Variants in OSBPL9 observed in about 807,000 individuals in gnomAD.
OSBPL9 encodes oxysterol binding protein like 9.
In OSBPL9, 40 loss-of-function variants were observed where a neutral mutation model predicts 106.6. That is an observed-to-expected ratio of 0.38 (90% confidence interval 0.29 to 0.49). The LOEUF (loss-of-function observed/expected upper bound fraction) is 0.49, where lower values mean the gene tolerates loss of function less well. Ranked by LOEUF, OSBPL9 falls within the 20% of genes least tolerant of loss-of-function variation. The probability of loss-of-function intolerance (pLI) is 0.97; values close to 1 mark genes in which losing one functional copy is unlikely to be tolerated. For synonymous variants in OSBPL9, 269 were observed against 295.4 expected (o/e 0.91, Z 0.92); for missense variants, 609 against 887.2 (o/e 0.69, Z 3.98).
chr1:51,555,273 T>C, the OSBPL9 span, among the ~76,000 whole-genome samples: 1 of 151,998 alleles, frequency 6.6e-6, no homozygotes, highest in African/African-American at 2.4e-5. Context: ...GGGCGGATCC[T>C]GAGGTCAGGA....
At chr1:51,640,739 AG>A (rs1221263842) in intron 1 of OSBPL9, among the ~76,000 whole-genome samples, 1 of 152,136 alleles carries the variant, frequency 6.6e-6, no homozygotes, top group Non-Finnish European at 1.5e-5. Flanking sequence ...AATACCTTCC[AG>A]GTCCCAGGCA....
At chr1:51,616,005 T>G (rs1486015089), upstream of OSBPL9, among the ~76,000 whole-genome samples, 3 of 88,972 alleles carry the variant, frequency 3.4e-5, no homozygotes, top group East Asian at 2.7e-4. Flanking sequence ...ATCCTTTGGT[T>G]TTTTTTTTTT....
At chr1:51,675,312 T>C (rs568356172) in intron 3 of OSBPL9, among the ~76,000 whole-genome samples, 1 of 152,296 alleles carries the variant, frequency 6.6e-6, no homozygotes, top group African/African-American at 2.4e-5. Flanking sequence ...TGTTTGCCCA[T>C]TGTTGTCAGA....
upstream of OSBPL9, among the ~76,000 whole-genome samples, chr1:51,574,479 C>T (rs575008259): frequency 1.3e-5 from 2 of 152,200 alleles, no homozygotes; most frequent in South Asian, 2.1e-4. Context: ...ATTAGCCAGG[C>T]GCGGTGGCGG....
intron 3 of OSBPL9, among the ~76,000 whole-genome samples, chr1:51,712,284 C>T (rs542025984): frequency 1.8e-4 from 27 of 152,300 alleles, no homozygotes; most frequent in Non-Finnish European, 3.5e-4. Context: ...CGCCTGCAAT[C>T]GCAGGCACTC....
rs147998378 is a variant in OSBPL9 at position 51,784,002 on chromosome 1, T to C, written c.1601T>C (p.Ile534Thr). The C allele has an allele frequency of 1.2e-6, 2 of 1,612,816 alleles. No individual in the cohort carries two copies. The highest frequency in any genetic ancestry group is 2.7e-5 in the African/African-American group (2 of 75,004). Reference sequence around the variant, plus strand: ...AAATCAAAATTCCTTGGGATGTCAATTGGGGTGCACAACATAGGGCAGGGT... The same window carrying C: ...AAATCAAAATTCCTTGGGATGTCAACTGGGGTGCACAACATAGGGCAGGGT... ...WTKSKFLGMSIGVHNIGQGCV... is the reference protein window; with the variant it reads ...WTKSKFLGMSTGVHNIGQGCV... The change falls in exon 18 of 24, where the codon ATT (isoleucine) becomes ACT (threonine). Residue 534 changes from isoleucine (I) to threonine (T), a missense_variant. Physicochemically the swap from Ile to Thr is moderately conservative, Grantham distance 89. Transcript: ENST00000428468.
intron 4 of OSBPL9, among the ~76,000 whole-genome samples, chr1:51,739,719 G>A (rs193235226): frequency 2.1e-4 from 32 of 152,108 alleles, no homozygotes; most frequent in Non-Finnish European, 2.9e-5. Context: ...GAACTTCCCT[G>A]TTCTTCTAAG....
chr1:51,536,458 C>T, the OSBPL9 span, among the ~76,000 whole-genome samples: 1,852 of 152,146 alleles, frequency 0.012, 49 homozygotes, highest in African/African-American at 0.043. Context: ...ACCGCAGGCA[C>T]GCACCACTAT....
At chr1:51,549,887 G>A in the OSBPL9 span, among the ~76,000 whole-genome samples, 16 of 152,190 alleles carry the variant, frequency 1.1e-4, no homozygotes, top group Non-Finnish European at 1.9e-4. Context: ...CATGTGGAAT[G>A]TCGGTTGCCT....
At chr1:51,718,482 AC>A (rs1327949641) in intron 4 of OSBPL9, among the ~76,000 whole-genome samples, 3 of 152,348 alleles carry the variant, frequency 2.0e-5, no homozygotes, top group Admixed American at 2.0e-4. Flanking sequence ...CTATGTACCC[AC>A]AAAAATTTAA....
intron 2 of OSBPL9, among the ~76,000 whole-genome samples, chr1:51,662,305 AAGAG>A (rs1347823063): frequency 6.6e-6 from 1 of 152,026 alleles, no homozygotes; most frequent in Non-Finnish European, 1.5e-5. Context: ...AGTTGGGAAA[AAGAG>A]AGAGAGAGAC....
the OSBPL9 span, among the ~76,000 whole-genome samples, chr1:51,534,278 T>C: frequency 6.6e-6 from 1 of 152,190 alleles, no homozygotes; most frequent in African/African-American, 2.4e-5. Flanking sequence ...AACAGTCTAG[T>C]AATTTTATTC....
intron 12 of OSBPL9, among the ~76,000 whole-genome samples, chr1:51,766,912 C>CAA (rs1557836064): frequency 4.3e-4 from 62 of 142,760 alleles, no homozygotes; most frequent in African/African-American, 1.6e-3. Flanking sequence ...ACTAAAAATA[C>CAA]CAAAAAAAAA....
intron 1 of OSBPL9, among the ~76,000 whole-genome samples, chr1:51,649,405 C>T (rs1646368673): frequency 6.6e-6 from 1 of 152,226 alleles, no homozygotes; most frequent in Non-Finnish European, 1.5e-5. Flanking sequence ...GCCACTGTTC[C>T]TGGCCTTCAG....
intron 11 of OSBPL9, among the ~76,000 whole-genome samples, chr1:51,764,140 T>C (rs1424301272): frequency 6.6e-6 from 1 of 152,198 alleles, no homozygotes; most frequent in African/African-American, 2.4e-5. Flanking sequence ...CTTCTCTTGT[T>C]AATACAAAAA....
chr1:51,538,825 T>C, the OSBPL9 span: 6,060 of 152,304 alleles, frequency 0.04, 165 homozygotes, highest in East Asian at 0.13. Flanking sequence ...CAATATTTTC[T>C]TTAGTCTTAT....
At chr1:51,765,697 C>T (rs866363018) in intron 11 of OSBPL9, 125 bp from the exon 12 acceptor site, 1 of 803,588 alleles carries the variant, frequency 1.2e-6, no homozygotes, top group South Asian at 2.4e-5. Flanking sequence ...TTTATAAATA[C>T]TGTAGCGACT....
At chr1:51,708,880 A>G (rs952426593) in intron 3 of OSBPL9, among the ~76,000 whole-genome samples, 3 of 152,236 alleles carry the variant, frequency 2.0e-5, no homozygotes, top group Non-Finnish European at 2.9e-5. Context: ...ACAATGTAAG[A>G]AACTTAAAAC....
At chr1:51,785,589 C>T in intron 20 of OSBPL9, 1 of 539,338 alleles carries the variant, frequency 1.9e-6, no homozygotes. Flanking sequence ...ACGTTCTTGC[C>T]CAAACCCACC....
Sources: gnomAD v4.1 joint callset for allele counts (sites outside exome capture counted in the v4.1 genomes callset) on GRCh38, gnomAD v4.1.1 for gene constraint, MANE v1.5 for transcripts, NCBI Gene and HGNC (gene_info 2026-07-23, HGNC 2026-07-21) for gene names.